The following NT5DC2 variants were observed in gnomAD, a reference collection of about 807,000 sequenced individuals.
NT5DC2 encodes the protein 5'-nucleotidase domain containing 2, also known as 5'-nucleotidase domain-containing protein 2.
NT5DC2 carries 41 observed loss-of-function variants against 70.0 expected under a neutral mutation model. The observed-to-expected ratio is 0.59, with a 90% CI of 0.46 to 0.76. NT5DC2 has a LOEUF of 0.76. Ranked by LOEUF, NT5DC2 falls within the 30% of genes least tolerant of loss-of-function variation. The probability of loss-of-function intolerance (pLI) is 0.00; values close to 1 mark genes in which losing one functional copy is unlikely to be tolerated. For synonymous variants in NT5DC2, 299 were observed against 310.4 expected (o/e 0.96, Z 0.39); for missense variants, 705 against 783.2 (o/e 0.90, Z 1.19).
At chr3:52,533,879 G>C, upstream of NT5DC2, 3 of 967,146 alleles carry the variant, frequency 3.1e-6, no homozygotes, top group Non-Finnish European at 3.7e-6. Flanking sequence ...GCGGAGCCCG[G>C]CCTGCCAATG....
Position 52,524,735 on chromosome 3 carries a change from G to C in NT5DC2, c.1413-4C>G, listed in dbSNP as rs2079213992. On this transcript the variant is annotated splice_polypyrimidine_tract_variant and splice_region_variant and intron_variant, in intron 13 of 13. Transcript: ENST00000422318. ...GAACAGGGCCTTGGTGATGCACCTGGCGAGGGAGACACGATGCGCTCAAGG... is the reference window on the plus strand; with the variant it reads ...GAACAGGGCCTTGGTGATGCACCTGCCGAGGGAGACACGATGCGCTCAAGG... 6.2e-7 allele frequency: 1 copy of C among 1,612,638 alleles called. No individual in the cohort carries two copies. Among genetic ancestry groups the C allele is most frequent in the South Asian group, 1.1e-5 (1 of 91,076 alleles).
At chr3:52,532,336 G>C in intron 1 of NT5DC2, 2 of 985,376 alleles carry the variant, frequency 2.0e-6, no homozygotes, top group Non-Finnish European at 2.4e-6. Context: ...TCTTCTCCGG[G>C]CCCAGAGCAA....
chr3:52,528,746 C>T, intron 3 of NT5DC2, 54 bp from the exon 4 acceptor site: 1 of 1,607,010 alleles, frequency 6.2e-7, no homozygotes, highest in South Asian at 1.1e-5. Flanking sequence ...TCACCGTGGC[C>T]CCAAGCCAGC....
In NT5DC2 at chr3:52,524,856, T is replaced by C; in HGVS notation, c.1373A>G (p.Gln458Arg). The change falls in exon 13 of 14, where the codon CAG becomes CGG. Residue 458 changes from glutamine (Q) to arginine (R), a missense_variant. Coordinates refer to ENST00000422318, the MANE Select transcript of NT5DC2 (RefSeq NM_001134231.2). ...CTCTTTCATCCAGGCAGCCAGCACC[T>C]GCCTCGACTCCGCGTCCTGATAGGT... ...MQTYQDAESRQVLAAWMKERQ... is the reference protein window; with the variant it reads ...MQTYQDAESRRVLAAWMKERQ... 6.2e-7 allele frequency: 1 copy of C among 1,612,314 alleles called. No individual in the cohort carries two copies. Among genetic ancestry groups the C allele is most frequent in the Non-Finnish European group, 8.5e-7 (1 of 1,179,728 alleles).
Position 52,527,678 on chromosome 3 carries a change from G to A in NT5DC2, c.976C>T (p.Gln326Ter). 6.2e-7 allele frequency: 1 copy of A among 1,613,228 alleles called. No individual in the cohort carries two copies. The highest frequency in any genetic ancestry group is 8.5e-7 in the Non-Finnish European group (1 of 1,180,022). The change falls in exon 9 of 14, where the codon CAG (glutamine) becomes TAG (stop). Residue 326 changes from glutamine (Q) to a stop codon, truncating the protein, a stop_gained. Transcript: ENST00000422318. LOFTEE classifies it high-confidence loss of function. Reference sequence around the variant, plus strand: ...TGGACAATGACCACATCGAAGAGCTGGCGCCAATCGGGACCCACCATGTGC... The same window carrying A: ...TGGACAATGACCACATCGAAGAGCTAGCGCCAATCGGGACCCACCATGTGC... ...MRHMVGPDWRQLFDVVIVQAD... is the reference protein window; with the variant it reads ...MRHMVGPDWR
chr3:52,529,055 G>C lies in NT5DC2; in HGVS notation c.417+95C>G. On this transcript the variant is annotated intron_variant, in intron 2 of 13. Transcript: ENST00000422318. The surrounding 1 kb of genome is among the most constrained non-coding windows in gnomAD (Gnocchi z 4.1). ...GGGCAGCTGCCAGGCAAGAGGGCCA[G>C]GGGAGCCCCACGACTCAGCCCTGAG... The C allele has an allele frequency of 1.3e-6, 2 of 1,589,722 alleles. No individual in the cohort carries two copies. Among genetic ancestry groups the C allele is most frequent in the Non-Finnish European group, 1.7e-6 (2 of 1,160,446 alleles).
rs773032053 is a variant in NT5DC2 at position 52,524,594 on chromosome 3, C to T, written c.1550G>A (p.Arg517His). The T allele has an allele frequency of 1.7e-5, 27 of 1,613,066 alleles. No homozygotes were observed. The highest frequency in any genetic ancestry group is 6.7e-5 in the African/African-American group (5 of 74,932). Residue 517 changes from arginine to histidine, a missense_variant, in exon 14 of 14, where the codon CGC becomes CAC. Physicochemically the swap from Arg to His is conservative, Grantham distance 29. Transcript: ENST00000422318. ...MASLSCLLNY[R>H]VDFTFYPRRT... The stretch of plus-strand genomic sequence containing the variant: ...GCGTGGGTAGAAGGTGAAGTCCACG[C>T]GGTAGTTGAGCAGGCAGCTGAGGGA...
Position 52,529,169 on chromosome 3 carries a change from A to T in NT5DC2, c.398T>A (p.Ile133Asn). 1 of 1,613,970 alleles carries T rather than the reference A, an allele frequency of 6.2e-7. No individual in the cohort carries two copies. The highest frequency in any genetic ancestry group is 8.5e-7 in the Non-Finnish European group (1 of 1,179,958). The change falls in exon 2 of 14, where the codon ATC (isoleucine) becomes AAC (asparagine). Residue 133 changes from isoleucine to asparagine, a missense_variant. Transcript: ENST00000422318. This position sits in a 1 kb window ranked among gnomAD's most constrained non-coding sequence, Gnocchi z 4.1. ...HPEIFSTARDILIEHYKYPEG... is the reference protein window; with the variant it reads ...HPEIFSTARDNLIEHYKYPEG... The stretch of plus-strand genomic sequence containing the variant: ...TCTCACCTTGTAGTGCTCGATCAGG[A>T]TGTCACGGGCGGTACTGAAGATCTC...
chr3:52,530,646 T>C (rs552831472), intron 1 of NT5DC2, among the ~76,000 whole-genome samples: 2 of 152,240 alleles, frequency 1.3e-5, no homozygotes, highest in East Asian at 3.9e-4. Flanking sequence ...AACCCAGTAG[T>C]TCAAGACTGG....
chr3:52,534,679 A>G, upstream of NT5DC2: 1 of 1,590,236 alleles, frequency 6.3e-7, no homozygotes, highest in Non-Finnish European at 8.6e-7. Context: ...CCGTATTCCG[A>G]GCCCGCACGC....
chr3:52,525,792 C>T (rs978416557), intron 10 of NT5DC2: 2 of 163,822 alleles, frequency 1.2e-5, no homozygotes, highest in African/African-American at 4.8e-5. Context: ...CGGCCCAGAG[C>T]AGGAATCACC....
chr3:52,535,003 A>C (rs188329314), upstream of NT5DC2: 72 of 261,554 alleles, frequency 2.8e-4, 1 homozygote, highest in East Asian at 7.2e-3. Flanking sequence ...GCCCTGCAGC[A>C]TCCAGCCGTC....
At position 52,524,984 on chromosome 3, in the gene NT5DC2, C is replaced by T. The variant is rs200480454; in HGVS notation, c.1326G>A (p.Thr442=). ...MHSLTWQQAL[T]GLLERMQTYQ... The stretch of plus-strand genomic sequence containing the variant: ...ACACCTGCATGCGCTCCAGCAGCCC[C>T]GTGAGCGCCTGCTGCCACGTCAGCG... The change falls in exon 12 of 14, where the codon ACG becomes ACA. Residue 442 remains threonine (T), a synonymous_variant. Transcript: ENST00000422318. The T allele has an allele frequency of 1.1e-5, 17 of 1,611,162 alleles. No individual in the cohort carries two copies. Among genetic ancestry groups the T allele is most frequent in the South Asian group, 5.5e-5 (5 of 90,970 alleles).
At position 52,524,831 on chromosome 3, in the gene NT5DC2, C is replaced by T; in HGVS notation, c.1398G>A (p.Glu466=). ...CACCTGCTCACCTCAGCTCCTGCCG[C>T]TCTTTCATCCAGGCAGCCAGCACCT... ...SRQVLAAWMK[E]RQELRCITKA... Residue 466 remains glutamate (E), a synonymous_variant, in exon 13 of 14, where the codon GAG becomes GAA. Transcript: ENST00000422318. 1.2e-6 allele frequency: 2 copies of T among 1,612,662 alleles called. No homozygotes were observed. The highest frequency in any genetic ancestry group is 2.7e-5 in the African/African-American group (2 of 75,024).
Position 52,524,453 on chromosome 3 carries a change from A to G in NT5DC2, c.*17T>C. On this transcript the variant is annotated 3_prime_UTR_variant, in exon 14 of 14. Coordinates refer to ENST00000422318, the MANE Select transcript of NT5DC2 (RefSeq NM_001134231.2). ...GCAGGAGGGGCTGAGGGCCTGTCCC[A>G]GACAATAAAGGTGCCCTCAGCGGAT... 1.2e-6 allele frequency: 2 copies of G among 1,612,566 alleles called. No individual in the cohort carries two copies. The highest frequency in any genetic ancestry group is 1.7e-6 in the Non-Finnish European group (2 of 1,179,822).
intron 3 of NT5DC2, 47 bp downstream of exon 3, chr3:52,528,814 C>G (rs1253012288): frequency 6.2e-7 from 1 of 1,605,578 alleles, no homozygotes; most frequent in South Asian, 1.1e-5. Context: ...ATGACCATAC[C>G]AAGAGGAGGC....
rs1172678761 is a variant in NT5DC2, at chr3:52,529,703, G to A, written c.233-369C>T. Reference sequence around the variant, plus strand: ...GGCAGCAGTCACTCAACTCCTCACCGCCTAGCCCCAGAACAGCTGCTTTTG... The same window carrying A: ...GGCAGCAGTCACTCAACTCCTCACCACCTAGCCCCAGAACAGCTGCTTTTG... On this transcript the variant is annotated intron_variant, in intron 1 of 13. Coordinates refer to ENST00000422318, the MANE Select transcript of NT5DC2 (RefSeq NM_001134231.2). The surrounding 1 kb of genome is among the most constrained non-coding windows in gnomAD (Gnocchi z 4.1). 2.6e-5 allele frequency among the ~76,000 whole-genome samples: 4 copies of A among 152,094 alleles called. No homozygotes were observed. The highest frequency in any genetic ancestry group is 2.1e-4 in the South Asian group (1 of 4,814).
At position 52,525,076 on chromosome 3, in the gene NT5DC2, T is replaced by C; in HGVS notation, c.1234A>G (p.Thr412Ala). The C allele has an allele frequency of 6.7e-7, 1 of 1,490,568 alleles. No individual in the cohort carries two copies. The highest frequency in any genetic ancestry group is 9.0e-7 in the Non-Finnish European group (1 of 1,107,860). The allele number at this position is 1,490,568 out of a possible 1,614,324, so 92.3% of individuals were successfully genotyped here. The change falls in exon 12 of 14, where the codon ACA becomes GCA. Residue 412 changes from threonine (T) to alanine (A), a missense_variant. By Grantham distance (58) the Thr-to-Ala change is moderately conservative. Transcript: ENST00000422318. ...ADLMLRHGWR[T>A]GAIIPELERE... ...TCCAGCTCGGGGATGATGGCGCCTG[T>C]GCGCCAGCCGTGCCGCAGCATGAGA...
Position 52,529,556 on chromosome 3 carries a change from C to T in NT5DC2, c.233-222G>A, listed in dbSNP as rs4687624. 0.37 allele frequency among the ~76,000 whole-genome samples: 56,482 copies of T among 151,868 alleles called. 11,984 individuals are homozygous for T. The highest frequency in any genetic ancestry group is 0.49 in the Admixed American group (7,461 of 15,254). On this transcript the variant is annotated intron_variant, in intron 1 of 13. Transcript: ENST00000422318. This position sits in a 1 kb window ranked among gnomAD's most constrained non-coding sequence, Gnocchi z 4.1. ...GGCAGAGCCCCTGGCTGGAGCTCCT[C>T]CTCATGGTTACACCTGCCTACATTA... is the stretch of plus-strand genomic sequence containing the variant.
Sources: allele counts gnomAD v4.1 joint callset (sites outside exome capture counted in the v4.1 genomes callset), GRCh38; gene constraint gnomAD v4.1.1; non-coding constraint Gnocchi (gnomAD v3.1); transcripts MANE v1.5; gene names NCBI Gene and HGNC (gene_info 2026-07-23, HGNC 2026-07-21).